Variants in ADAM11 observed in about 807,000 individuals in gnomAD.
The protein encoded by ADAM11 is ADAM metallopeptidase domain 11.
Under a neutral mutation model 119.1 loss-of-function variants are expected in ADAM11, and 49 were observed. That is an observed-to-expected ratio of 0.41 (90% CI 0.33 to 0.52). The LOEUF (loss-of-function observed/expected upper bound fraction) is 0.52, where lower values mean the gene tolerates loss of function less well. ADAM11 is among the 20% of genes least tolerant of loss of function. The probability of loss-of-function intolerance (pLI) is 0.20; values close to 1 mark genes in which losing one functional copy is unlikely to be tolerated. For missense variants in ADAM11, 777 were observed against 1,047.5 expected, an observed-to-expected ratio of 0.74 and a Z score of 3.56; for synonymous variants, 364 against 408.0, an observed-to-expected ratio of 0.89 and a Z score of 1.30.
At chr17:44,769,275 G>A (rs2049488164) in intron 2 of ADAM11, among the ~76,000 whole-genome samples, 1 of 152,192 alleles carries the variant, frequency 6.6e-6, no homozygotes, top group African/African-American at 2.4e-5. Flanking sequence ...TAGGGGGACA[G>A]GCAGCGAGGG....
At chr17:44,770,070 C>G (rs55882072) in intron 4 of ADAM11, 22 bp downstream of exon 4, 392,448 of 1,612,248 alleles carry the variant, frequency 0.24, 50,681 homozygotes, top group Non-Finnish European at 0.27. Flanking sequence ...TGCAGGGGAC[C>G]GGGGCCGGGG....
In ADAM11 at chr17:44,773,384, C is replaced by A. The variant is rs370821656; in HGVS notation, c.949C>A (p.Arg317=). 6.2e-7 allele frequency: 1 copy of A among 1,613,944 alleles called. No individual in the cohort carries two copies. The highest frequency in any genetic ancestry group is 2.2e-5 in the East Asian group (1 of 44,884). ...CCTGGCCCGGCTCATGGTCTACCGA[C>A]GGGAGGGTCTGCCTGAGCCCAGTGA... ...ETLARLMVYR[R]EGLPEPSDAT... is the part of the protein sequence containing the mutation. Residue 317 remains arginine, a synonymous_variant, in exon 11 of 27, where the codon CGG becomes AGG. Transcript: ENST00000200557. This position sits in a 1 kb window ranked among gnomAD's most constrained non-coding sequence, Gnocchi z 4.6.
At position 44,776,121 on chromosome 17, in the gene ADAM11, C is replaced by T. The variant is rs1398517303; in HGVS notation, c.1486-6C>T. 2 of 1,613,568 alleles carry T rather than the reference C, an allele frequency of 1.2e-6. No homozygotes were observed. Among genetic ancestry groups the T allele is most frequent in the Non-Finnish European group, 1.7e-6 (2 of 1,179,902 alleles). On this transcript the variant is annotated splice_polypyrimidine_tract_variant and splice_region_variant and intron_variant, in intron 17 of 26. Transcript: ENST00000200557. The surrounding 1 kb of genome is among the most constrained non-coding windows in gnomAD (Gnocchi z 5.2). ...GCCTGACTCGAGGAGCGCGTCTCTT[C>T]CCTAGTACGAACCACGGGGTGTGTC...
chr17:44,776,278 C>T lies in ADAM11; in HGVS notation c.1566+71C>T. The T allele has an allele frequency of 1.3e-6, 2 of 1,545,326 alleles. No homozygotes were observed. Among genetic ancestry groups the T allele is most frequent in the Non-Finnish European group, 1.8e-6 (2 of 1,123,012 alleles). On this transcript the variant is annotated intron_variant, in intron 18 of 26. Transcript: ENST00000200557. This position sits in a 1 kb window ranked among gnomAD's most constrained non-coding sequence, Gnocchi z 5.2. ...CCTACCCTTGTCGATTTGGTTTTCC[C>T]GGACGAGTGCTCAGCACTCCCCTCC...
Position 44,776,159 on chromosome 17 carries a change from C to G in ADAM11, c.1518C>G (p.Ala506=), listed in dbSNP as rs371609331. 8.7e-6 allele frequency: 14 copies of G among 1,613,392 alleles called. No homozygotes were observed. The highest frequency in any genetic ancestry group is 1.1e-5 in the South Asian group (1 of 91,078). Residue 506 remains alanine (A), a synonymous_variant, in exon 18 of 27, where the codon GCC becomes GCG. Coordinates refer to ENST00000200557, the MANE Select transcript of ADAM11 (RefSeq NM_002390.6). This position sits in a 1 kb window ranked among gnomAD's most constrained non-coding sequence, Gnocchi z 5.2. ...YEPRGVSCRE[A]VNECDIAETC... ...CACGGGGTGTGTCCTGCCGAGAGGC[C>G]GTGAACGAGTGCGACATCGCGGAGA...
chr17:44,764,566 G>A (rs2049425309), intron 2 of ADAM11, among the ~76,000 whole-genome samples: 2 of 152,166 alleles, frequency 1.3e-5, no homozygotes, highest in Admixed American at 1.3e-4. Context: ...CATGAACTGA[G>A]CTCTGCCATG....
Position 44,780,088 on chromosome 17 carries a change from A to T in ADAM11, c.*334A>T, listed in dbSNP as rs2145253333. ...CCTGGAGGGATGCCCCCAGGCAGCC[A>T]CCAGTGGACCTAGCCTGGATGGCCC... On this transcript the variant is annotated 3_prime_UTR_variant, in exon 27 of 27. Transcript: ENST00000200557. The T allele has an allele frequency of 1.5e-6, 1 of 649,706 alleles. No individual in the cohort carries two copies. The highest frequency in any genetic ancestry group is 1.8e-5 in the African/African-American group (1 of 56,260). 40.2% of individuals were successfully genotyped at this position (649,706 alleles called of 1,614,324 possible).
chr17:44,769,702 C>A lies in ADAM11; in HGVS notation c.238-16C>A. On this transcript the variant is annotated splice_polypyrimidine_tract_variant and intron_variant, in intron 2 of 26. Transcript: ENST00000200557. ...CCTCCCTGGGTTGACTCCCCCTCTG[C>A]CCTCCCCCCACCCAGCCTGTCCATC... is the stretch of plus-strand genomic sequence containing the variant. The A allele has an allele frequency of 2.0e-6, 2 of 1,005,426 alleles. No homozygotes were observed. Among genetic ancestry groups the A allele is most frequent in the East Asian group, 2.4e-5 (1 of 42,230 alleles). The allele number at this position is 1,005,426 out of a possible 1,614,324, so 62.3% of individuals were successfully genotyped here. A position where few individuals can be genotyped will look rare whatever the true frequency, so the allele number is the denominator to read the frequency against.
In ADAM11 at chr17:44,773,288, A is replaced by G. The variant is rs150408623; in HGVS notation, c.853A>G (p.Ile285Val). ...ATACAAGGAGCAGCTCAACACTCGC[A>G]TCGTCCTGGTTGCCATGGAAACATG... Reference protein sequence around the residue: ...VIYKEQLNTRIVLVAMETWAD... With the variant: ...VIYKEQLNTRVVLVAMETWAD... The change falls in exon 11 of 27, where the codon ATC becomes GTC. Residue 285 changes from isoleucine to valine, a missense_variant. This residue lies in a region of ADAM11 where 147 missense variants were observed against 223.3 expected (regional missense o/e 0.66). Coordinates refer to ENST00000200557, the MANE Select transcript of ADAM11 (RefSeq NM_002390.6). The surrounding 1 kb of genome is among the most constrained non-coding windows in gnomAD (Gnocchi z 4.6). The G allele has an allele frequency of 1.5e-4, 241 of 1,613,732 alleles. No homozygotes were observed. In the African/African-American group the frequency reaches 2.6e-3, roughly 17 times the overall value.
Position 44,772,251 on chromosome 17 carries a change from T to G in ADAM11, c.544-16T>G. 6.2e-7 allele frequency: 1 copy of G among 1,603,276 alleles called. No individual in the cohort carries two copies. The highest frequency in any genetic ancestry group is 8.5e-7 in the Non-Finnish European group (1 of 1,174,312). On this transcript the variant is annotated splice_polypyrimidine_tract_variant and intron_variant, in intron 6 of 26. Coordinates refer to ENST00000200557, the MANE Select transcript of ADAM11 (RefSeq NM_002390.6). The surrounding 1 kb of genome is among the most constrained non-coding windows in gnomAD (Gnocchi z 4.5). ...GCCCAGTTGGCACCCCAAGAACTAA[T>G]TTCCCCTCATTGCAGGGACCCCTTC... is the stretch of plus-strand genomic sequence containing the variant.
In ADAM11 at chr17:44,777,663, G is replaced by T; in HGVS notation, c.1902-32G>T. The T allele has an allele frequency of 1.9e-6, 3 of 1,613,294 alleles. No individual in the cohort carries two copies. Among genetic ancestry groups the T allele is most frequent in the Non-Finnish European group, 2.5e-6 (3 of 1,179,478 alleles). ...CAGCTGTGCTGGGGGTTAGGAGACAGGGGGCTGAGGCTGGCTGTGTCACTT... is the reference window on the plus strand; with the variant it reads ...CAGCTGTGCTGGGGGTTAGGAGACATGGGGCTGAGGCTGGCTGTGTCACTT... On this transcript the variant is annotated intron_variant, in intron 22 of 26. Transcript: ENST00000200557. The surrounding 1 kb of genome is among the most constrained non-coding windows in gnomAD (Gnocchi z 5.1).
At chr17:44,762,289 A>C (rs1485975323) in intron 2 of ADAM11, among the ~76,000 whole-genome samples, 1 of 152,192 alleles carries the variant, frequency 6.6e-6, no homozygotes, top group Admixed American at 6.5e-5. Flanking sequence ...ATTTGGGTCC[A>C]GGAGGCAGTC....
intron 2 of ADAM11, 83 bp from the exon 3 acceptor site, chr17:44,769,631 CAGGG>C: frequency 1.2e-6 from 1 of 831,274 alleles, no homozygotes; most frequent in Non-Finnish European, 2.0e-6. Flanking sequence ...ACCCCTTCCC[CAGGG>C]CTACTGTTGC....
In ADAM11 at chr17:44,772,775, C is replaced by T; in HGVS notation, c.679-82C>T. The T allele has an allele frequency of 2.0e-5, 26 of 1,293,986 alleles. No individual in the cohort carries two copies. Among genetic ancestry groups the T allele is most frequent in the Non-Finnish European group, 2.9e-5 (26 of 905,136 alleles). 80.2% of individuals were successfully genotyped at this position (1,293,986 alleles called of 1,614,324 possible). On this transcript the variant is annotated intron_variant, in intron 8 of 26. Coordinates refer to ENST00000200557, the MANE Select transcript of ADAM11 (RefSeq NM_002390.6). The surrounding 1 kb of genome is among the most constrained non-coding windows in gnomAD (Gnocchi z 4.5). ...TGGCTGGAGTCCAGACCCCCCCATC[C>T]CCACCGAGTCTGTTCCTGGCTTGGC...
In ADAM11 at chr17:44,776,114, G is replaced by A; in HGVS notation, c.1486-13G>A. ...CCATCCTGCCTGACTCGAGGAGCGC[G>A]TCTCTTCCCTAGTACGAACCACGGG... On this transcript the variant is annotated splice_polypyrimidine_tract_variant and intron_variant, in intron 17 of 26. Transcript: ENST00000200557. The surrounding 1 kb of genome is among the most constrained non-coding windows in gnomAD (Gnocchi z 5.2). The A allele has an allele frequency of 6.2e-7, 1 of 1,613,398 alleles. No individual in the cohort carries two copies. The highest frequency in any genetic ancestry group is 8.5e-7 in the Non-Finnish European group (1 of 1,179,804).
rs33945745 is a variant in ADAM11 at position 44,780,557 on chromosome 17, G to GC, written c.*803_*804insC. ...CAGGACACATGGATTTTGGCAGGGC[G>GC]GGGGGGGTTCTAGAAAATATAGTTC... On this transcript the variant is annotated 3_prime_UTR_variant, in exon 27 of 27. Transcript: ENST00000200557. 1 of 64,832 alleles carries GC rather than the reference G, an allele frequency of 1.5e-5. No homozygotes were observed. The highest frequency in any genetic ancestry group is 4.2e-4 in the Admixed American group (1 of 2,406). 4.0% of individuals were successfully genotyped at this position (64,832 alleles called of 1,614,324 possible). A position where few individuals can be genotyped will look rare whatever the true frequency, so the allele number is the denominator to read the frequency against.
Position 44,776,384 on chromosome 17 carries a change from TC to T in ADAM11, c.1566+179del, listed in dbSNP as rs1022664105. Among the ~76,000 whole-genome samples, 14 of 152,298 alleles carry T rather than the reference TC, an allele frequency of 9.2e-5. No homozygotes were observed. Among genetic ancestry groups the T allele is most frequent in the African/African-American group, 3.4e-4 (14 of 41,554 alleles). On this transcript the variant is annotated intron_variant, in intron 18 of 26. Coordinates refer to ENST00000200557, the MANE Select transcript of ADAM11 (RefSeq NM_002390.6). The surrounding 1 kb of genome is among the most constrained non-coding windows in gnomAD (Gnocchi z 5.2). Reference sequence around the variant, plus strand: ...GGGTTCTTCATGCTCCTGGCCTTGTTCCTTCAATCATTAAACCAGAATGTAT... The same window carrying T: ...GGGTTCTTCATGCTCCTGGCCTTGTTCTTCAATCATTAAACCAGAATGTAT...
rs56266867 is a variant in ADAM11 at position 44,770,027 on chromosome 17, G to A, written c.360G>A (p.Glu120=). 10,400 of 1,614,126 alleles carry A rather than the reference G, an allele frequency of 6.4e-3. 44 individuals carry two copies. The highest frequency in any genetic ancestry group is 7.7e-3 in the Non-Finnish European group (9,064 of 1,180,024). Residue 120 remains glutamate, a synonymous_variant, in exon 4 of 27, where the codon GAG becomes GAA. Coordinates refer to ENST00000200557, the MANE Select transcript of ADAM11 (RefSeq NM_002390.6). The stretch of plus-strand genomic sequence containing the variant: ...ACGTGGAGCGCCACTTCAGCCGGGA[G>A]GGGACAACCCAGCACAGCACCGTGA... ...SQYVERHFSR[E]GTTQHSTGAG...
intron 2 of ADAM11, among the ~76,000 whole-genome samples, chr17:44,760,207 G>C (rs1279307274): frequency 2.0e-5 from 3 of 152,246 alleles, no homozygotes; most frequent in Admixed American, 6.5e-5. Flanking sequence ...AAAGCTAGTT[G>C]TTCTGTTCAA....
Sources: allele counts gnomAD v4.1 joint callset (sites outside exome capture counted in the v4.1 genomes callset), GRCh38; gene constraint gnomAD v4.1.1; regional missense constraint gnomAD v4.1.1; non-coding constraint Gnocchi (gnomAD v3.1); transcripts MANE v1.5; gene names NCBI Gene and HGNC (gene_info 2026-07-23, HGNC 2026-07-21).